Variants in PCDH15 observed in about 807,000 individuals in gnomAD.
The protein encoded by PCDH15 is protocadherin-15.
Under a neutral mutation model 178.5 loss-of-function variants are expected in PCDH15, and 129 were observed. The observed-to-expected ratio is 0.72, with a 90% CI of 0.63 to 0.84. The LOEUF (loss-of-function observed/expected upper bound fraction) is 0.84. Ranked by LOEUF, PCDH15 falls within the 40% of genes least tolerant of loss-of-function variation. The pLI, the probability that PCDH15 is intolerant of heterozygous loss-of-function variation, is 0.00. For missense variants in PCDH15, 2,230 were observed against 2,099.9 expected (o/e 1.06, Z -1.21); for synonymous variants, 800 against 732.0 (o/e 1.09, Z -1.50).
rs551154798 is a variant in PCDH15, at chr10:55,566,144, T to C, written c.-156+61481A>G. ...TATTAATATTAATGGAAATCAAAGATATTTCAACATACAAAAATTGTTAAA... is the reference window on the plus strand; with the variant it reads ...TATTAATATTAATGGAAATCAAAGACATTTCAACATACAAAAATTGTTAAA... On this transcript the variant is annotated intron_variant, in intron 2 of 5. Coordinates refer to the PCDH15 transcript ENST00000613346. 1.2e-4 allele frequency among the ~76,000 whole-genome samples: 18 copies of C among 151,802 alleles called. No homozygotes were observed. The South Asian group carries it at 3.5e-3, about 30-fold the overall frequency.
At chr10:54,713,203 G>T (rs1480737577) in intron 1 of PCDH15, among the ~76,000 whole-genome samples, 1 of 150,234 alleles carries the variant, frequency 6.7e-6, no homozygotes, top group Non-Finnish European at 1.5e-5. Context: ...ACTGAATGAA[G>T]TTAAAACACA....
chr10:54,014,259 A>C (rs1046704327), intron 20 of PCDH15, among the ~76,000 whole-genome samples: 18 of 152,134 alleles, frequency 1.2e-4, no homozygotes, highest in African/African-American at 4.1e-4. Context: ...TGAATTTTGA[A>C]ATTGAATCAG....
At position 54,152,991 on chromosome 10, in the gene PCDH15, C is replaced by T. The variant is rs1371288096; in HGVS notation, c.1784+109G>A. 8 of 1,275,580 alleles carry T rather than the reference C, an allele frequency of 6.3e-6. No homozygotes were observed. In the Admixed American group the frequency reaches 8.0e-5, roughly 13 times the overall value. The allele number at this position is 1,275,580 out of a possible 1,614,324, so 79.0% of individuals were successfully genotyped here. A position where few individuals can be genotyped will look rare whatever the true frequency, so the allele number is the denominator to read the frequency against. On this transcript the variant is annotated intron_variant, in intron 14 of 37. Coordinates refer to ENST00000644397, the MANE Select transcript of PCDH15 (RefSeq NM_001384140.1). ...AATCTGGTCTCTCTGATTTTCTGAT[C>T]TAATTTAGATGTTTATAGGATAAAA...
At chr10:55,244,357 T>A (rs888189292) in intron 1 of PCDH15, among the ~76,000 whole-genome samples, 1 of 152,068 alleles carries the variant, frequency 6.6e-6, no homozygotes, top group Non-Finnish European at 1.5e-5. Flanking sequence ...CTAACATGTA[T>A]AGACCTCTAG....
chr10:55,115,026 A>C (rs904346856), intron 2 of PCDH15, among the ~76,000 whole-genome samples: 1 of 152,206 alleles, frequency 6.6e-6, no homozygotes, highest in African/African-American at 2.4e-5. Context: ...TATCAACAGC[A>C]GTCATTTTAT....
At chr10:54,997,355 TAA>T (rs1182781817) in intron 2 of PCDH15, among the ~76,000 whole-genome samples, 1 of 152,170 alleles carries the variant, frequency 6.6e-6, no homozygotes, top group Non-Finnish European at 1.5e-5. Context: ...GGCTTTTAAA[TAA>T]AAGAGTACTA....
chr10:55,512,016 T>C (rs1840895677), intron 2 of PCDH15, among the ~76,000 whole-genome samples: 1 of 152,050 alleles, frequency 6.6e-6, no homozygotes, highest in Admixed American at 6.6e-5. Context: ...ATCAGAACTC[T>C]TTCTGAAGGG....
At chr10:55,106,325 A>C (rs1842673765) in intron 2 of PCDH15, among the ~76,000 whole-genome samples, 1 of 152,240 alleles carries the variant, frequency 6.6e-6, no homozygotes, top group Non-Finnish European at 1.5e-5. Context: ...TTGTTAGACA[A>C]AATCAAACAA....
At chr10:54,179,449 T>G (rs1281158662) in intron 13 of PCDH15, among the ~76,000 whole-genome samples, 1 of 149,940 alleles carries the variant, frequency 6.7e-6, no homozygotes, top group Non-Finnish European at 1.5e-5. Flanking sequence ...GGGATAGCAT[T>G]AGGAGATATA....
In PCDH15 at chr10:54,573,682, T is replaced by G. The variant is rs535050265; in HGVS notation, c.92-45805A>C. On this transcript the variant is annotated intron_variant, in intron 2 of 37. Transcript: ENST00000644397. Reference sequence around the variant, plus strand: ...GTCAATGTCTAGGTCACAGCTTCTATTAGGTAGCCTTATCTTTATCGATAG... The same window carrying G: ...GTCAATGTCTAGGTCACAGCTTCTAGTAGGTAGCCTTATCTTTATCGATAG... 4.3e-5 allele frequency among the ~76,000 whole-genome samples: 3 copies of G among 70,568 alleles called. No individual in the cohort carries two copies. The East Asian group carries it at 1.3e-3, about 30-fold the overall frequency. The allele number at this position is 70,568 out of a possible 152,430, so 46.3% of individuals were successfully genotyped here.
At chr10:53,968,669 C>T (rs1024627483) in intron 21 of PCDH15, among the ~76,000 whole-genome samples, 2 of 152,176 alleles carry the variant, frequency 1.3e-5, no homozygotes, top group Non-Finnish European at 2.9e-5. Flanking sequence ...GAGGAAGGAT[C>T]AGGCAGCAAC....
chr10:54,506,346 T>C (rs1003166097), intron 3 of PCDH15, among the ~76,000 whole-genome samples: 7 of 152,068 alleles, frequency 4.6e-5, no homozygotes, highest in African/African-American at 1.7e-4. Flanking sequence ...CTCTACCTAA[T>C]ATAATGTGAA....
chr10:55,227,942 A>G (rs1345380288), intron 1 of PCDH15, among the ~76,000 whole-genome samples: 1 of 151,678 alleles, frequency 6.6e-6, no homozygotes, highest in Admixed American at 6.6e-5. Flanking sequence ...CCCATCCCCA[A>G]CTCCCCTACC....
intron 2 of PCDH15, among the ~76,000 whole-genome samples, chr10:55,126,949 ACT>A (rs1468979740): frequency 2.0e-5 from 3 of 151,976 alleles, no homozygotes; most frequent in Non-Finnish European, 4.4e-5. Context: ...AAAAGGCCAT[ACT>A]CTCTACCAGA....
chr10:55,108,244 G>A (rs1397354308), intron 2 of PCDH15, among the ~76,000 whole-genome samples: 1 of 152,140 alleles, frequency 6.6e-6, no homozygotes. Flanking sequence ...ATAGCTACCT[G>A]GAAGGACTAA....
intron 20 of PCDH15, among the ~76,000 whole-genome samples, chr10:54,005,866 T>C (rs2092367566): frequency 6.6e-6 from 1 of 151,974 alleles, no homozygotes; most frequent in African/African-American, 2.4e-5. Flanking sequence ...CCCATGTTTA[T>C]TGCAGCACTA....
chr10:55,005,226 A>AATAATAATAATCATCATC (rs34847205), intron 2 of PCDH15, among the ~76,000 whole-genome samples: 11,463 of 146,444 alleles, frequency 0.078, 630 homozygotes, highest in Non-Finnish European at 0.12. Context: ...TAATAATAAT[A>AATAATAATAATCATCATC]ATCAATGGAG....
chr10:54,499,837 T>C (rs2080490201), intron 3 of PCDH15, among the ~76,000 whole-genome samples: 1 of 152,076 alleles, frequency 6.6e-6, no homozygotes, highest in East Asian at 1.9e-4. Context: ...CTGACCAGAA[T>C]GACATTGAGA....
chr10:54,710,307 A>G (rs2095415565), intron 1 of PCDH15, among the ~76,000 whole-genome samples: 1 of 152,088 alleles, frequency 6.6e-6, no homozygotes, highest in Non-Finnish European at 1.5e-5. Context: ...AAACACTGAG[A>G]AATCAATAAA....
Sources: gnomAD v4.1 joint callset for allele counts (sites outside exome capture counted in the v4.1 genomes callset) on GRCh38, gnomAD v4.1.1 for gene constraint, MANE v1.5 for transcripts, NCBI Gene and HGNC (gene_info 2026-07-23, HGNC 2026-07-21) for gene names.